Variants in CACNA1H observed in about 807,000 individuals in gnomAD.
The protein encoded by CACNA1H is calcium voltage-gated channel subunit alpha1 H.
CACNA1H carries 149 observed loss-of-function variants against 192.5 expected under a neutral mutation model. The observed-to-expected ratio is 0.77, with a 90% confidence interval of 0.68 to 0.89. The LOEUF (loss-of-function observed/expected upper bound fraction) is 0.89, where lower values mean the gene tolerates loss of function less well. Among genes scored for constraint, CACNA1H ranks in the 40% least tolerant of loss-of-function variants. The pLI, the probability that CACNA1H is intolerant of heterozygous loss-of-function variation, is 0.00. For synonymous variants in CACNA1H, 2,202 were observed against 1,475.2 expected, an observed-to-expected ratio of 1.49 and a Z score of -11.29; for missense variants, 4,257 against 3,423.5, an observed-to-expected ratio of 1.24 and a Z score of -6.08.
chr16:1,200,774 T>A lies in CACNA1H; in HGVS notation c.1178T>A (p.Phe393Tyr). 1 of 1,554,144 alleles carries A rather than the reference T, an allele frequency of 6.4e-7. No individual in the cohort carries two copies. The highest frequency in any genetic ancestry group is 8.7e-7 in the Non-Finnish European group (1 of 1,148,636). ...IMYYVMDAHS[F>Y]YNFIYFILLI... ...TACTACGTCATGGACGCCCACTCATTCTACAACTTCATCTATTTCATCCTG... is the reference window on the plus strand; with the variant it reads ...TACTACGTCATGGACGCCCACTCATACTACAACTTCATCTATTTCATCCTG... Residue 393 changes from phenylalanine to tyrosine, a missense_variant, in exon 8 of 35, where the codon TTC (phenylalanine) becomes TAC (tyrosine). Physicochemically the swap from Phe to Tyr is conservative, Grantham distance 22. Transcript: ENST00000348261.
At chr16:1,175,183 C>T (rs910926744) in intron 2 of CACNA1H, among the ~76,000 whole-genome samples, 1 of 152,090 alleles carries the variant, frequency 6.6e-6, no homozygotes, top group African/African-American at 2.4e-5. Flanking sequence ...CACTGCCCCA[C>T]GTGACGTGAG....
At chr16:1,153,606 A>G (rs1382823559) in intron 1 of CACNA1H, 114 bp from the exon 2 acceptor site, 11 of 545,770 alleles carry the variant, frequency 2.0e-5, no homozygotes, top group Non-Finnish European at 2.6e-5. Context: ...GTTTGTCTCT[A>G]ATAAGAAAAG....
rs1363217136 is a variant in CACNA1H, at chr16:1,167,217, CTT to C, written c.299+13183_299+13184del. On this transcript the variant is annotated intron_variant, in intron 2 of 34. Transcript: ENST00000348261. This position sits in a 1 kb window ranked among gnomAD's most constrained non-coding sequence, Gnocchi z 4.2. ...CTGCCCCGTGGGGATGAAACGGGCT[CTT>C]TGCGGGGGGCCTGTGGGGTATGGGC... is the stretch of plus-strand genomic sequence containing the variant. Among the ~76,000 whole-genome samples the C allele has an allele frequency of 1.3e-5, 2 of 152,174 alleles. No individual in the cohort carries two copies. The highest frequency in any genetic ancestry group is 2.9e-5 in the Non-Finnish European group (2 of 68,016).
chr16:1,207,530 G>A (rs914274671), intron 14 of CACNA1H, 100 bp downstream of exon 14: 5 of 1,317,316 alleles, frequency 3.8e-6, no homozygotes, highest in Admixed American at 2.0e-5. Context: ...CAAGAGGTGA[G>A]GGATAGAGAA....
intron 34 of CACNA1H, among the ~76,000 whole-genome samples, chr16:1,219,508 G>T (rs1970309463): frequency 6.6e-6 from 1 of 152,218 alleles, no homozygotes. Flanking sequence ...GGGTCCCGTG[G>T]TGGGCAGACA....
Position 1,220,888 on chromosome 16 carries a change from A to C in CACNA1H, c.6956A>C (p.Glu2319Ala). The C allele has an allele frequency of 6.2e-7, 1 of 1,612,266 alleles. No homozygotes were observed. The highest frequency in any genetic ancestry group is 8.5e-7 in the Non-Finnish European group (1 of 1,179,594). The change falls in exon 35 of 35, where the codon GAG becomes GCG. Residue 2319 changes from glutamate (E) to alanine (A), a missense_variant. Physicochemically the swap from Glu to Ala is moderately radical, Grantham distance 107 (BLOSUM62 -1). Coordinates refer to ENST00000348261, the MANE Select transcript of CACNA1H (RefSeq NM_021098.3). The stretch of plus-strand genomic sequence containing the variant: ...CCCATGCCCGTCGGTGACCCCCCAG[A>C]GAAGAGGCGGGGGCTGTACCTCACA... ...EPPMPVGDPPEKRRGLYLTVP... is the reference protein window; with the variant it reads ...EPPMPVGDPPAKRRGLYLTVP...
At chr16:1,170,865 G>A (rs1964297969) in intron 2 of CACNA1H, among the ~76,000 whole-genome samples, 1 of 152,170 alleles carries the variant, frequency 6.6e-6, no homozygotes, top group African/African-American at 2.4e-5. Context: ...CGGTCCTGTG[G>A]GTCAGGGTTC....
chr16:1,173,676 G>A (rs1033580664), intron 2 of CACNA1H, among the ~76,000 whole-genome samples: 2 of 152,356 alleles, frequency 1.3e-5, no homozygotes, highest in Non-Finnish European at 2.9e-5. Flanking sequence ...ATCCGGGAAC[G>A]CCCGTCGGAG....
intron 2 of CACNA1H, among the ~76,000 whole-genome samples, chr16:1,166,962 G>A (rs917728155): frequency 6.6e-6 from 1 of 152,188 alleles, no homozygotes; most frequent in African/African-American, 2.4e-5. Flanking sequence ...TGGGTCAGGC[G>A]GAAACAGTGT....
At chr16:1,193,557 T>C (rs4347630) in intron 2 of CACNA1H, among the ~76,000 whole-genome samples, 129,001 of 152,336 alleles carry the variant, frequency 0.85, 54,806 homozygotes, top group East Asian at 0.98. Flanking sequence ...GCTGTGGCCT[T>C]GCCCACCTAT....
At position 1,202,189 on chromosome 16, in the gene CACNA1H, G is replaced by C. The variant is rs1469214289; in HGVS notation, c.1739G>C (p.Cys580Ser). Residue 580 changes from cysteine to serine, a missense_variant, in exon 9 of 35, where the codon TGC (cysteine) becomes TCC (serine). Transcript: ENST00000348261. ...GTGCACAGCATCTACCATGCCGACT[G>C]CCACATAGAGGGGCCGCAGGAGAGG... Reference protein sequence around the residue: ...ESVHSIYHADCHIEGPQERAR... With the variant: ...ESVHSIYHADSHIEGPQERAR... 1 of 1,552,738 alleles carries C rather than the reference G, an allele frequency of 6.4e-7. No individual in the cohort carries two copies. The highest frequency in any genetic ancestry group is 8.7e-7 in the Non-Finnish European group (1 of 1,149,150).
chr16:1,158,750 G>A (rs1008978569), intron 2 of CACNA1H, among the ~76,000 whole-genome samples: 26 of 152,120 alleles, frequency 1.7e-4, no homozygotes, highest in African/African-American at 4.3e-4. Context: ...TCTTGGGAAC[G>A]AGTTTGCCGA....
rs28365123 is a variant in CACNA1H, at chr16:1,205,206, C to A, written c.2544C>A (p.Gly848=). Residue 848 remains glycine, a synonymous_variant, in exon 11 of 35, where the codon GGC becomes GGA. Transcript: ENST00000348261. ...TGCTGCTGAAGCTGCTGGCCTGCGG[C>A]CCTCTGGGCTACATCCGGAACCCGT... is the stretch of plus-strand genomic sequence containing the variant. ...LEMLLKLLAC[G]PLGYIRNPYN... 1.0e-3 allele frequency: 1,605 copies of A among 1,613,018 alleles called. 12 individuals are homozygous for A. The African/African-American group carries it at 0.018, about 18-fold the overall frequency.
Position 1,210,338 on chromosome 16 carries a change from G to GCCCCCCCC in CACNA1H, c.3846-28_3846-27insCCCCCCCC. 1.0e-5 allele frequency: 3 copies of GCCCCCCCC among 296,990 alleles called. No homozygotes were observed. The South Asian group carries it at 1.5e-4, about 14-fold the overall frequency. The allele number at this position is 296,990 out of a possible 1,614,324, so 18.4% of individuals were successfully genotyped here. On this transcript the variant is annotated intron_variant, in intron 18 of 34. Transcript: ENST00000348261. ...TCCACTCTGCCATCCACGCCGCCCC[G>GCCCCCCCC]CCCCACCTCTCACCCGCCCCCGCCC...
intron 2 of CACNA1H, among the ~76,000 whole-genome samples, chr16:1,188,231 T>C (rs1340863928): frequency 6.6e-6 from 1 of 152,110 alleles, no homozygotes; most frequent in Admixed American, 6.5e-5. Context: ...TCCTGGGAGC[T>C]GATGTTACCT....
intron 2 of CACNA1H, among the ~76,000 whole-genome samples, chr16:1,187,319 G>A (rs1056697395): frequency 8.5e-5 from 13 of 152,222 alleles, no homozygotes; most frequent in South Asian, 2.1e-4. Context: ...AGCCAGGGGT[G>A]GGTACAGAGA....
In CACNA1H at chr16:1,218,024, G is replaced by A; in HGVS notation, c.5429G>A (p.Trp1810Ter). ...TLFRVSTGDN[W>*]NGIMKDTLRE... ...TTCCGCGTGTCCACGGGGGACAACT[G>A]GAACGGGATCATGAAGGTACCCGCC... The change falls in exon 32 of 35, where the codon TGG (tryptophan) becomes TAG (stop). Residue 1810 changes from tryptophan (W) to a stop codon, truncating the protein, a stop_gained. Transcript: ENST00000348261. LOFTEE classifies it high-confidence loss of function. The A allele has an allele frequency of 6.2e-7, 1 of 1,600,532 alleles. No homozygotes were observed. The highest frequency in any genetic ancestry group is 8.5e-7 in the Non-Finnish European group (1 of 1,173,756).
chr16:1,186,619 C>T (rs986056375), intron 2 of CACNA1H, among the ~76,000 whole-genome samples: 2 of 152,128 alleles, frequency 1.3e-5, no homozygotes, highest in East Asian at 1.9e-4. Context: ...TGGCTTCTGT[C>T]GTGAATGTGG....
chr16:1,160,390 G>A (rs902255264), intron 2 of CACNA1H, among the ~76,000 whole-genome samples: 8 of 152,208 alleles, frequency 5.3e-5, no homozygotes, highest in African/African-American at 1.9e-4. Flanking sequence ...GAAGTCAGCC[G>A]GTCGCGCCCT....
Sources: allele counts gnomAD v4.1 joint callset (sites outside exome capture counted in the v4.1 genomes callset), GRCh38; gene constraint gnomAD v4.1.1; non-coding constraint Gnocchi (gnomAD v3.1); transcripts MANE v1.5; gene names NCBI Gene and HGNC (gene_info 2026-07-23, HGNC 2026-07-21).